DAG1: variants seen among roughly 807,000 people sequenced by gnomAD.
DAG1 encodes dystroglycan 1 (dystrophin-associated glycoprotein 1).
Under a neutral mutation model 46.1 loss-of-function variants are expected in DAG1, and 8 were observed. The ratio of observed to expected loss-of-function variants is 0.17; its 90% CI spans 0.10 to 0.31. DAG1 has a LOEUF of 0.31. Among genes scored for constraint, DAG1 ranks in the 10% least tolerant of loss-of-function variants. DAG1 has a pLI of 1.00. For missense variants in DAG1, 1,003 were observed against 1,189.9 expected, an observed-to-expected ratio of 0.84 and a Z score of 2.31; for synonymous variants, 495 against 481.8, an observed-to-expected ratio of 1.03 and a Z score of -0.36.
Position 49,531,387 on chromosome 3 carries a change from C to T in DAG1, c.876C>T (p.Tyr292=). 2 of 1,614,176 alleles carry T rather than the reference C, an allele frequency of 1.2e-6. No homozygotes were observed. Among genetic ancestry groups the T allele is most frequent in the South Asian group, 1.1e-5 (1 of 91,086 alleles). Residue 292 remains tyrosine (Y), a synonymous_variant, in exon 3 of 3, where the codon TAC becomes TAT. Coordinates refer to ENST00000308775, the MANE Select transcript of DAG1 (RefSeq NM_004393.6). The surrounding 1 kb of genome is among the most constrained non-coding windows in gnomAD (Gnocchi z 7.0). ...GCGCAATGTCTGCTCAGCTTGGCTA[C>T]CCTGTGGTGGGTTGGCACATCGCCA... The part of the protein sequence containing the change: ...REGAMSAQLG[Y]PVVGWHIANK...
chr3:49,528,224 CT>C (rs1192788560), intron 2 of DAG1, among the ~76,000 whole-genome samples: 2 of 143,968 alleles, frequency 1.4e-5, no homozygotes, highest in Admixed American at 7.0e-5. Context: ...TATAAATGAA[CT>C]GAAAAATGTA....
rs977407752 is a variant in DAG1 at position 49,471,965 on chromosome 3, G to A, written c.-117+1532G>A. On this transcript the variant is annotated intron_variant, in intron 1 of 2. Transcript: ENST00000308775. ...GTTTTCAGGGCCAGCAGGAATTAGTGGGGGACATCAAGGCCTGGACACAGG... is the reference window on the plus strand; with the variant it reads ...GTTTTCAGGGCCAGCAGGAATTAGTAGGGGACATCAAGGCCTGGACACAGG... 5.3e-5 allele frequency among the ~76,000 whole-genome samples: 8 copies of A among 152,132 alleles called. 1 individual carries two copies. Among genetic ancestry groups the A allele is most frequent in the South Asian group, 4.1e-4 (2 of 4,832 alleles).
chr3:49,516,734 C>T (rs907338187), intron 2 of DAG1, among the ~76,000 whole-genome samples: 1 of 152,138 alleles, frequency 6.6e-6, no homozygotes, highest in Non-Finnish European at 1.5e-5. Context: ...ATAAGATGCT[C>T]CAGGCCTGTC....
intron 1 of DAG1, among the ~76,000 whole-genome samples, chr3:49,471,290 A>C (rs973910773): frequency 6.6e-6 from 1 of 152,206 alleles, no homozygotes; most frequent in Non-Finnish European, 1.5e-5. Flanking sequence ...CATAGAAGCC[A>C]GACTCCGTGA....
rs1018254780 is a variant in DAG1, at chr3:49,533,237, G to C, written c.*38G>C. The C allele has an allele frequency of 6.2e-7, 1 of 1,603,868 alleles. No homozygotes were observed. Among genetic ancestry groups the C allele is most frequent in the Non-Finnish European group, 8.5e-7 (1 of 1,179,672 alleles). On this transcript the variant is annotated 3_prime_UTR_variant, in exon 3 of 3. Transcript: ENST00000308775. ...TGGGTGGAGGCAGGGTAGGGCAGGG[G>C]CCTGGAGACGACATGGTGTTGTCTG... is the stretch of plus-strand genomic sequence containing the variant.
chr3:49,480,235 A>G (rs72934271), intron 1 of DAG1, among the ~76,000 whole-genome samples: 34,340 of 142,970 alleles, frequency 0.24, 4,350 homozygotes, highest in Middle Eastern at 0.28. Flanking sequence ...TACAGGCGTG[A>G]GCCACTGTGC....
chr3:49,469,003 T>C (rs951783629), upstream of DAG1: 2 of 152,130 alleles, frequency 1.3e-5, no homozygotes, highest in Non-Finnish European at 1.5e-5. Flanking sequence ...TTTTCTTGTC[T>C]CTGTGAATGA....
rs373379560 is a variant in DAG1 at position 49,531,977 on chromosome 3, G to A, written c.1466G>A (p.Arg489His). ...CGCACCACCACCAGTGGAGTGCCCC[G>A]TGGCGGAGAACCCAACCAGCGCCCA... ...RIRTTTSGVP[R>H]GGEPNQRPEL... The change falls in exon 3 of 3, where the codon CGT (arginine) becomes CAT (histidine). Residue 489 changes from arginine to histidine, a missense_variant. By Grantham distance (29) the Arg-to-His change is conservative. Coordinates refer to ENST00000308775, the MANE Select transcript of DAG1 (RefSeq NM_004393.6). This position sits in a 1 kb window ranked among gnomAD's most constrained non-coding sequence, Gnocchi z 7.0. The A allele has an allele frequency of 1.4e-5, 23 of 1,614,052 alleles. No individual in the cohort carries two copies. In the East Asian group the frequency reaches 1.8e-4, roughly 13 times the overall value.
At position 49,527,307 on chromosome 3, in the gene DAG1, G is replaced by A. The variant is rs1294530800; in HGVS notation, c.286-3490G>A. Reference sequence around the variant, plus strand: ...TGGGAGGCCAAGGCGGGCGGATCACGAGCTCAGGAGATCGAGACCATCTTG... The same window carrying A: ...TGGGAGGCCAAGGCGGGCGGATCACAAGCTCAGGAGATCGAGACCATCTTG... On this transcript the variant is annotated intron_variant, in intron 2 of 2. Coordinates refer to ENST00000308775, the MANE Select transcript of DAG1 (RefSeq NM_004393.6). Among the ~76,000 whole-genome samples, 6 of 152,108 alleles carry A rather than the reference G, an allele frequency of 3.9e-5. 1 individual carries two copies. Among genetic ancestry groups the A allele is most frequent in the African/African-American group, 1.4e-4 (6 of 41,418 alleles).
intron 1 of DAG1, among the ~76,000 whole-genome samples, chr3:49,473,417 G>A (rs1157208818): frequency 1.3e-5 from 2 of 151,442 alleles, no homozygotes; most frequent in South Asian, 2.1e-4. Context: ...GCGAGACTCC[G>A]TCTCAAAACA....
chr3:49,531,863 A>G lies in DAG1; in HGVS notation c.1352A>G (p.Lys451Arg). 6.2e-7 allele frequency: 1 copy of G among 1,613,992 alleles called. No homozygotes were observed. The change falls in exon 3 of 3, where the codon AAG becomes AGG. Residue 451 changes from lysine to arginine, a missense_variant. Lys to Arg is a conservative substitution (Grantham distance 26). Around this residue, in one of 3 missense-constraint regions of DAG1, gnomAD observed 755 missense variants for 854.1 expected, o/e 0.88. Transcript: ENST00000308775. The surrounding 1 kb of genome is among the most constrained non-coding windows in gnomAD (Gnocchi z 7.0). The stretch of plus-strand genomic sequence containing the variant: ...ACCACCACGACTCGCAGGCCAACCA[A>G]GAAACCACGGACACCCCGGCCAGTG... ...STTTTTRRPT[K>R]KPRTPRPVPR... is the part of the protein sequence containing the mutation.
intron 1 of DAG1, among the ~76,000 whole-genome samples, chr3:49,487,619 G>A (rs1259312036): frequency 1.3e-5 from 2 of 151,762 alleles, no homozygotes; most frequent in Non-Finnish European, 2.9e-5. Context: ...AGAGATACCT[G>A]GGAGGAAACC....
At chr3:49,506,040 C>T (rs1339806739) in intron 1 of DAG1, among the ~76,000 whole-genome samples, 1 of 146,936 alleles carries the variant, frequency 6.8e-6, no homozygotes, top group Non-Finnish European at 1.5e-5. Context: ...AGTGCAGTGG[C>T]TTGATCTCGG....
chr3:49,488,693 C>T (rs1332636652), intron 1 of DAG1: 2 of 151,880 alleles, frequency 1.3e-5, no homozygotes, highest in Non-Finnish European at 2.9e-5. Flanking sequence ...ACCTTTGCTT[C>T]CCAGGGTCAA....
intron 2 of DAG1, among the ~76,000 whole-genome samples, chr3:49,530,505 T>C (rs2051309790): frequency 6.6e-6 from 1 of 152,210 alleles, no homozygotes; most frequent in African/African-American, 2.4e-5. Flanking sequence ...GTGAGCTCCA[T>C]GGCATCAGTT....
intron 2 of DAG1, among the ~76,000 whole-genome samples, chr3:49,519,612 T>A (rs1475586483): frequency 6.6e-6 from 1 of 152,206 alleles, no homozygotes; most frequent in Non-Finnish European, 1.5e-5. Flanking sequence ...GGACCCCTTG[T>A]GAACAAAGCA....
intron 1 of DAG1, among the ~76,000 whole-genome samples, chr3:49,494,679 G>T (rs181541323): frequency 6.6e-6 from 1 of 151,254 alleles, no homozygotes; most frequent in South Asian, 2.1e-4. Context: ...CTGTCATCCA[G>T]GCTGGAGTGC....
intron 2 of DAG1, among the ~76,000 whole-genome samples, chr3:49,521,381 G>A (rs2051023253): frequency 6.6e-6 from 1 of 152,134 alleles, no homozygotes; most frequent in Non-Finnish European, 1.5e-5. Flanking sequence ...TAGCCAGGAT[G>A]GTCTCGATCT....
At chr3:49,479,628 CTTTTTTTTTT>C (rs71080522) in intron 1 of DAG1, among the ~76,000 whole-genome samples, 16 of 47,200 alleles carry the variant, frequency 3.4e-4, no homozygotes, top group Admixed American at 1.5e-3. Flanking sequence ...TATAACATTT[CTTTTTTTTTT>C]TTTTTTTTTT....
Sources: allele counts gnomAD v4.1 joint callset (sites outside exome capture counted in the v4.1 genomes callset), GRCh38; gene constraint gnomAD v4.1.1; regional missense constraint gnomAD v4.1.1; non-coding constraint Gnocchi (gnomAD v3.1); transcripts MANE v1.5; gene names NCBI Gene and HGNC (gene_info 2026-07-23, HGNC 2026-07-21).